Variants in ACSS3 observed in about 807,000 individuals in gnomAD.
ACSS3 encodes the protein acyl-CoA synthetase short-chain family member 3, mitochondrial.
A neutral mutation model predicts 84.2 loss-of-function variants in ACSS3; 64 were observed. That is an observed-to-expected ratio of 0.76 (90% CI 0.62 to 0.94). The LOEUF (loss-of-function observed/expected upper bound fraction) is 0.94, where lower values mean the gene tolerates loss of function less well. Among genes scored for constraint, ACSS3 ranks in the 40% least tolerant of loss-of-function variants. The pLI, the probability that ACSS3 is intolerant of heterozygous loss-of-function variation, is 0.00. For synonymous variants in ACSS3, 317 were observed against 310.1 expected, an observed-to-expected ratio of 1.02 and a Z score of -0.23; for missense variants, 815 against 867.6, an observed-to-expected ratio of 0.94 and a Z score of 0.76.
intron 8 of ACSS3, among the ~76,000 whole-genome samples, chr12:81,177,626 C>G (rs7970127): frequency 6.6e-6 from 1 of 151,836 alleles, no homozygotes; most frequent in African/African-American, 2.4e-5. Flanking sequence ...AGAAAAAAAC[C>G]AACAACCCCA....
intron 9 of ACSS3, among the ~76,000 whole-genome samples, chr12:81,201,720 C>A (rs976141812): frequency 6.6e-6 from 1 of 152,150 alleles, no homozygotes; most frequent in African/African-American, 2.4e-5. Flanking sequence ...ATGAATGATT[C>A]TTTCCATTTC....
chr12:81,111,723 T>C (rs1004712723), intron 2 of ACSS3, among the ~76,000 whole-genome samples: 1 of 152,156 alleles, frequency 6.6e-6, no homozygotes, highest in Non-Finnish European at 1.5e-5. Context: ...GTCATTGCTG[T>C]CAAGGCGTCT....
intron 11 of ACSS3, 36 bp from the exon 12 acceptor site, chr12:81,231,021 T>G: frequency 6.7e-7 from 1 of 1,498,076 alleles, no homozygotes; most frequent in South Asian, 1.2e-5. Context: ...TATTACCACT[T>G]TCATCATAAT....
rs528203799 is a variant in ACSS3, at chr12:81,162,366, G to C, written c.1098+10270G>C. The stretch of plus-strand genomic sequence containing the variant: ...CCAGAGTGGGTAGTTCCTATTGGCA[G>C]GCAAGTCATCCCATTGAGTCTGCAG... On this transcript the variant is annotated intron_variant, in intron 7 of 15. Coordinates refer to ENST00000548058, the MANE Select transcript of ACSS3 (RefSeq NM_024560.4). Among the ~76,000 whole-genome samples the C allele has an allele frequency of 1.8e-3, 276 of 152,244 alleles. 1 individual carries two copies. The highest frequency in any genetic ancestry group is 6.1e-3 in the African/African-American group (255 of 41,558).
intron 9 of ACSS3, among the ~76,000 whole-genome samples, chr12:81,200,609 A>G (rs2032053627): frequency 6.6e-6 from 1 of 152,108 alleles, no homozygotes; most frequent in African/African-American, 2.4e-5. Flanking sequence ...GTGTTTTCTG[A>G]CTGGGCACGG....
chr12:81,235,396 T>A (rs2135978226), intron 13 of ACSS3, among the ~76,000 whole-genome samples: 1 of 151,438 alleles, frequency 6.6e-6, no homozygotes, highest in East Asian at 1.9e-4. Context: ...CTATGTAGTG[T>A]ATCTTAGAGT....
chr12:81,232,198 AGGT>A (rs2135971399), intron 12 of ACSS3, among the ~76,000 whole-genome samples: 1 of 151,872 alleles, frequency 6.6e-6, no homozygotes, highest in African/African-American at 2.4e-5. Flanking sequence ...ATCAGAGTGC[AGGT>A]GGTGAGATGA....
chr12:81,251,058 TA>T (rs755562126), intron 13 of ACSS3, among the ~76,000 whole-genome samples: 4 of 152,198 alleles, frequency 2.6e-5, no homozygotes, highest in Non-Finnish European at 5.9e-5. Context: ...ATTCTTTATT[TA>T]TTTTCCACGA....
chr12:81,248,555 G>T (rs1330253644), intron 13 of ACSS3, among the ~76,000 whole-genome samples: 3 of 151,984 alleles, frequency 2.0e-5, no homozygotes. Context: ...AAGGGTATGT[G>T]TGTGTCAAGT....
Position 81,151,934 on chromosome 12 carries a change from G to T in ACSS3, c.1002+10G>T, listed in dbSNP as rs1364327451. 2.5e-6 allele frequency: 4 copies of T among 1,613,536 alleles called. No individual in the cohort carries two copies. The African/African-American group carries it at 4.0e-5, about 16-fold the overall frequency. On this transcript the variant is annotated intron_variant, in intron 6 of 15. Coordinates refer to ENST00000548058, the MANE Select transcript of ACSS3 (RefSeq NM_024560.4). Reference sequence around the variant, plus strand: ...ACTTCAACCCGGAGAGGTAATCGTGGTTTTAAATTTACATTACATGACATT... The same window carrying T: ...ACTTCAACCCGGAGAGGTAATCGTGTTTTTAAATTTACATTACATGACATT...
chr12:81,200,033 T>C lies in ACSS3; in HGVS notation c.1354+589T>C, dbSNP rs181717229. On this transcript the variant is annotated intron_variant, in intron 9 of 15. Transcript: ENST00000548058. Reference sequence around the variant, plus strand: ...AATTGTCATTACATATGTAATTTGTTCATTTAATTTATTTTGTTTATTCCC... The same window carrying C: ...AATTGTCATTACATATGTAATTTGTCCATTTAATTTATTTTGTTTATTCCC... Among the ~76,000 whole-genome samples the C allele has an allele frequency of 8.7e-3, 1,331 of 152,346 alleles. 12 individuals carry two copies. The highest frequency in any genetic ancestry group is 0.014 in the Non-Finnish European group (936 of 68,028).
At chr12:81,168,192 A>G (rs905958680) in intron 7 of ACSS3, among the ~76,000 whole-genome samples, 3 of 152,282 alleles carry the variant, frequency 2.0e-5, no homozygotes, top group Middle Eastern at 6.8e-3. Context: ...TTGGCAATTT[A>G]CCTATCTTGT....
chr12:81,139,235 C>A lies in ACSS3; in HGVS notation c.750C>A (p.Asp250Glu). ...TAAAAATAGGACAACACAAACCAGA[C>A]AAAATTCTCATTTATAATCGTCCAA... ...EALKIGQHKPDKILIYNRPNM... is the reference protein window; with the variant it reads ...EALKIGQHKPEKILIYNRPNM... Residue 250 changes from aspartate to glutamate, a missense_variant, in exon 4 of 16, where the codon GAC (aspartate) becomes GAA (glutamate). By Grantham distance (45) the Asp-to-Glu change is conservative. Coordinates refer to ENST00000548058, the MANE Select transcript of ACSS3 (RefSeq NM_024560.4). The A allele has an allele frequency of 6.2e-7, 1 of 1,613,924 alleles. No individual in the cohort carries two copies. Among genetic ancestry groups the A allele is most frequent in the Non-Finnish European group, 8.5e-7 (1 of 1,179,914 alleles).
chr12:81,153,181 G>A (rs1351907163), intron 7 of ACSS3, among the ~76,000 whole-genome samples: 1 of 152,186 alleles, frequency 6.6e-6, no homozygotes, highest in South Asian at 2.1e-4. Context: ...GCCGAGGCAG[G>A]TGGATCACTT....
Position 81,138,606 on chromosome 12 carries a change from T to A in ACSS3, c.646-525T>A, listed in dbSNP as rs1885927551. Among the ~76,000 whole-genome samples, 5 of 152,214 alleles carry A rather than the reference T, an allele frequency of 3.3e-5. No individual in the cohort carries two copies. In the South Asian group the frequency reaches 1.0e-3, roughly 32 times the overall value. On this transcript the variant is annotated intron_variant, in intron 3 of 15. Transcript: ENST00000548058. Reference sequence around the variant, plus strand: ...AACTTTAATCATTTGGGAGCCTTTTTAAGAAAATAATATAATGTAATATTT... The same window carrying A: ...AACTTTAATCATTTGGGAGCCTTTTAAAGAAAATAATATAATGTAATATTT...
chr12:81,234,856 T>C (rs1190137673), intron 13 of ACSS3, among the ~76,000 whole-genome samples: 2 of 151,302 alleles, frequency 1.3e-5, no homozygotes, highest in Non-Finnish European at 3.0e-5. Context: ...CTGATCTTTT[T>C]ATTTTATTAA....
At chr12:81,188,799 G>A (rs2031413594) in intron 8 of ACSS3, among the ~76,000 whole-genome samples, 1 of 151,808 alleles carries the variant, frequency 6.6e-6, no homozygotes, top group Admixed American at 6.6e-5. Flanking sequence ...TTTTAAGTTG[G>A]CAGATACAGT....
At chr12:81,236,135 A>G (rs2033622931) in intron 13 of ACSS3, among the ~76,000 whole-genome samples, 1 of 151,324 alleles carries the variant, frequency 6.6e-6, no homozygotes, top group Non-Finnish European at 1.5e-5. Context: ...TTGTTTTTGT[A>G]TTTCTAATTT....
chr12:81,168,749 A>G (rs533947374), intron 7 of ACSS3, among the ~76,000 whole-genome samples: 136 of 152,308 alleles, frequency 8.9e-4, no homozygotes, highest in African/African-American at 3.2e-3. Flanking sequence ...TCCCCTGTAT[A>G]TGGTCATAAT....
Sources: gnomAD v4.1 joint callset for allele counts (sites outside exome capture counted in the v4.1 genomes callset) on GRCh38, gnomAD v4.1.1 for gene constraint, MANE v1.5 for transcripts, NCBI Gene and HGNC (gene_info 2026-07-23, HGNC 2026-07-21) for gene names.